Variants in DENND1B observed in about 807,000 individuals in gnomAD.
DENND1B encodes DENN domain containing 1B.
A neutral mutation model predicts 90.1 loss-of-function variants in DENND1B; 59 were observed. The observed-to-expected ratio is 0.65, with a 90% confidence interval of 0.53 to 0.81. The LOEUF (loss-of-function observed/expected upper bound fraction) is 0.81. DENND1B is among the 40% of genes least tolerant of loss of function. DENND1B has a pLI of 0.00. For missense variants in DENND1B, 862 were observed against 912.6 expected (o/e 0.94, Z 0.71); for synonymous variants, 337 against 324.6 (o/e 1.04, Z -0.41).
At chr1:197,779,448 T>C (rs972405511), upstream of DENND1B, among the ~76,000 whole-genome samples, 1 of 152,088 alleles carries the variant, frequency 6.6e-6, no homozygotes, top group African/African-American at 2.4e-5. Context: ...TCTGGATTGG[T>C]GACTTTCATC....
At chr1:197,779,192 C>T (rs1049557255), upstream of DENND1B, among the ~76,000 whole-genome samples, 2 of 152,158 alleles carry the variant, frequency 1.3e-5, no homozygotes, top group African/African-American at 4.8e-5. Flanking sequence ...AATATTTTCA[C>T]TGATGAAGAA....
intron 18 of DENND1B, among the ~76,000 whole-genome samples, chr1:197,541,221 CTCT>C (rs1330212341): frequency 6.6e-6 from 1 of 152,116 alleles, no homozygotes; most frequent in Non-Finnish European, 1.5e-5. Context: ...AACCATTAGT[CTCT>C]TCTTTGTATA....
intron 2 of DENND1B, chr1:197,735,449 G>T: frequency 6.7e-7 from 1 of 1,501,552 alleles, no homozygotes; most frequent in Non-Finnish European, 8.9e-7. Context: ...CTTCTCATGG[G>T]TTCTCGGGTA....
At chr1:197,698,861 G>A (rs192090110) in intron 3 of DENND1B, among the ~76,000 whole-genome samples, 22 of 152,196 alleles carry the variant, frequency 1.4e-4, no homozygotes, top group Admixed American at 1.3e-3. Context: ...ACTAAACCAC[G>A]AAGAAGTCGA....
At chr1:197,770,866 A>ATG (rs1656496547) in intron 2 of DENND1B, among the ~76,000 whole-genome samples, 2 of 136,894 alleles carry the variant, frequency 1.5e-5, no homozygotes, top group Non-Finnish European at 3.1e-5. Flanking sequence ...CTATAAATAT[A>ATG]TATCTATAAA....
chr1:197,732,793 T>A (rs1414833901), intron 2 of DENND1B, among the ~76,000 whole-genome samples: 1 of 152,174 alleles, frequency 6.6e-6, no homozygotes, highest in Non-Finnish European at 1.5e-5. Flanking sequence ...TTAACTTCCA[T>A]CACCTCTAAA....
intron 2 of DENND1B, chr1:197,747,240 T>G (rs985326056): frequency 1.5e-6 from 1 of 657,046 alleles, no homozygotes; most frequent in Non-Finnish European, 2.8e-6. Context: ...CTAGGGGAAT[T>G]CCAGAAGGAC....
chr1:197,590,711 C>A (rs1475957898), intron 14 of DENND1B, among the ~76,000 whole-genome samples: 3 of 152,124 alleles, frequency 2.0e-5, no homozygotes, highest in Non-Finnish European at 4.4e-5. Context: ...TAGGGATATG[C>A]AAATCATCCT....
intron 20 of DENND1B, among the ~76,000 whole-genome samples, chr1:197,522,188 C>T (rs1192780569): frequency 1.3e-5 from 2 of 152,016 alleles, no homozygotes; most frequent in African/African-American, 2.4e-5. Flanking sequence ...GAGACAAGAG[C>T]TGAACATACT....
intron 20 of DENND1B, among the ~76,000 whole-genome samples, chr1:197,518,896 C>T (rs1028284638): frequency 2.6e-5 from 4 of 151,832 alleles, no homozygotes; most frequent in African/African-American, 7.3e-5. Context: ...TATTGCTATC[C>T]TCCCAGTGGA....
At chr1:197,677,384 A>C (rs1656196774) in intron 3 of DENND1B, among the ~76,000 whole-genome samples, 1 of 152,152 alleles carries the variant, frequency 6.6e-6, no homozygotes, top group Admixed American at 6.5e-5. Flanking sequence ...CCTCTAATGA[A>C]GAATGTACAA....
At chr1:197,544,649 C>A (rs973301411) in intron 18 of DENND1B, among the ~76,000 whole-genome samples, 2 of 149,558 alleles carry the variant, frequency 1.3e-5, no homozygotes, top group Non-Finnish European at 3.0e-5. Flanking sequence ...ATAAAATACA[C>A]TAACATTAAC....
intron 2 of DENND1B, among the ~76,000 whole-genome samples, chr1:197,727,404 A>G (rs1239578191): frequency 6.6e-6 from 1 of 151,926 alleles, no homozygotes; most frequent in African/African-American, 2.4e-5. Context: ...GCGTGGTGGC[A>G]GGCACCTGTA....
intron 2 of DENND1B, among the ~76,000 whole-genome samples, chr1:197,748,668 T>C (rs1050686559): frequency 6.6e-6 from 1 of 152,172 alleles, no homozygotes; most frequent in Non-Finnish European, 1.5e-5. Context: ...GGCAGCCCCT[T>C]AGAAGCTGAA....
chr1:197,605,532 G>C (rs893909442), intron 13 of DENND1B: 1 of 150,470 alleles, frequency 6.6e-6, no homozygotes, highest in East Asian at 2.0e-4. Flanking sequence ...AGGCATTAAC[G>C]GTAGGAAGTA....
intron 8 of DENND1B, among the ~76,000 whole-genome samples, chr1:197,646,501 C>T (rs1680745446): frequency 6.6e-6 from 1 of 151,752 alleles, no homozygotes; most frequent in Admixed American, 6.6e-5. Flanking sequence ...GCAATTTAAT[C>T]ATCAAAAGTT....
chr1:197,773,532 G>A (rs952146108), intron 1 of DENND1B, among the ~76,000 whole-genome samples: 1 of 152,166 alleles, frequency 6.6e-6, no homozygotes, highest in African/African-American at 2.4e-5. Context: ...CATATTTAAA[G>A]TAGCAAACTA....
chr1:197,510,726 G>T lies in DENND1B; in HGVS notation c.2062C>A (p.Leu688Ile). Residue 688 changes from leucine to isoleucine, a missense_variant, in exon 23 of 23, where the codon CTC becomes ATC. By Grantham distance (5) the Leu-to-Ile change is conservative. Transcript: ENST00000620048. ...SDPTSGLDFQ[L>I]TSPEVSQTDK... Reference sequence around the variant, plus strand: ...GTCTGGGAAACTTCAGGGGAAGTGAGTTGGAAATCCAGTCCTGAAGTAGGG... The same window carrying T: ...GTCTGGGAAACTTCAGGGGAAGTGATTTGGAAATCCAGTCCTGAAGTAGGG... The T allele has an allele frequency of 6.2e-7, 1 of 1,612,708 alleles. No homozygotes were observed. Among genetic ancestry groups the T allele is most frequent in the Non-Finnish European group, 8.5e-7 (1 of 1,179,180 alleles).
chr1:197,659,947 C>T lies in DENND1B; in HGVS notation c.297-1578G>A, dbSNP rs528434158. On this transcript the variant is annotated intron_variant, in intron 5 of 22. Coordinates refer to ENST00000620048, the MANE Select transcript of DENND1B (RefSeq NM_001195215.2). ...ACAAATACAAAATGTTTATATTGAA[C>T]ATAAAAGGAACTACAAGTAAATATA... is the stretch of plus-strand genomic sequence containing the variant. 2.0e-5 allele frequency among the ~76,000 whole-genome samples: 3 copies of T among 151,212 alleles called. No homozygotes were observed. The South Asian group carries it at 6.3e-4, about 32-fold the overall frequency.
Sources: allele counts gnomAD v4.1 joint callset (sites outside exome capture counted in the v4.1 genomes callset), GRCh38; gene constraint gnomAD v4.1.1; transcripts MANE v1.5; gene names NCBI Gene and HGNC (gene_info 2026-07-23, HGNC 2026-07-21).